IGF2BP2: variants seen among roughly 807,000 people sequenced by gnomAD.
IGF2BP2 encodes the protein insulin like growth factor 2 mRNA binding protein 2.
Under a neutral mutation model 75.8 loss-of-function variants are expected in IGF2BP2, and 17 were observed. The observed-to-expected ratio is 0.22, with a 90% CI of 0.15 to 0.34. The LOEUF (loss-of-function observed/expected upper bound fraction) is 0.34, where lower values mean the gene tolerates loss of function less well. Among genes scored for constraint, IGF2BP2 ranks in the 10% least tolerant of loss-of-function variants. IGF2BP2 has a pLI of 1.00. For missense variants in IGF2BP2, 516 were observed against 772.4 expected (o/e 0.67, Z 3.93); for synonymous variants, 288 against 295.6 (o/e 0.97, Z 0.26).
chr3:185,813,127 G>C (rs1351518327), intron 2 of IGF2BP2, among the ~76,000 whole-genome samples: 1 of 152,086 alleles, frequency 6.6e-6, no homozygotes, highest in Non-Finnish European at 1.5e-5. Context: ...CTCTTAAAAT[G>C]CCTTTTCGAC....
At chr3:185,723,275 G>A (rs1726836796) in intron 2 of IGF2BP2, among the ~76,000 whole-genome samples, 1 of 152,064 alleles carries the variant, frequency 6.6e-6, no homozygotes, top group Admixed American at 6.6e-5. Flanking sequence ...CTATCCCTTG[G>A]AAATGATCAT....
chr3:185,675,818 T>C lies in IGF2BP2; in HGVS notation c.908A>G (p.Glu303Gly). 1 of 1,613,416 alleles carries C rather than the reference T, an allele frequency of 6.2e-7. No homozygotes were observed. The highest frequency in any genetic ancestry group is 1.1e-5 in the South Asian group (1 of 91,042). Residue 303 changes from glutamate to glycine, a missense_variant, in exon 8 of 16, where the codon GAA becomes GGA. Glu to Gly is a moderately conservative substitution (Grantham distance 98). Around this residue, in one of 3 missense-constraint regions of IGF2BP2, gnomAD observed 312 missense variants for 474.5 expected, o/e 0.66. Coordinates refer to ENST00000382199, the MANE Select transcript of IGF2BP2 (RefSeq NM_006548.6). ...EGRNLKKIEH[E>G]TGTKITISSL... The stretch of plus-strand genomic sequence containing the variant: ...TGAGATTGTTATCTTGGTCCCTGTT[T>C]CATGTTCAATTTTCTTCAAATTTCT...
At chr3:185,731,981 C>CAA (rs781417130) in intron 2 of IGF2BP2, among the ~76,000 whole-genome samples, 5 of 141,592 alleles carry the variant, frequency 3.5e-5, no homozygotes, top group African/African-American at 1.0e-4. Context: ...GACTCCGTCT[C>CAA]AAAAAAAAAA....
intron 2 of IGF2BP2, among the ~76,000 whole-genome samples, chr3:185,704,424 G>A (rs1183298193): frequency 6.6e-6 from 1 of 152,140 alleles, no homozygotes; most frequent in African/African-American, 2.4e-5. Context: ...TAAATCACCA[G>A]TGATAGCCAA....
intron 2 of IGF2BP2, among the ~76,000 whole-genome samples, chr3:185,785,414 G>GT (rs1735758923): frequency 6.8e-6 from 1 of 147,922 alleles, no homozygotes. Flanking sequence ...AATAACGAGT[G>GT]TTAAAAAAAA....
chr3:185,690,777 T>A (rs1721842317), intron 5 of IGF2BP2, among the ~76,000 whole-genome samples: 1 of 152,202 alleles, frequency 6.6e-6, no homozygotes, highest in Non-Finnish European at 1.5e-5. Flanking sequence ...CAGAGCGCTG[T>A]TATTTAAAGA....
chr3:185,781,227 T>C (rs1404591119), intron 2 of IGF2BP2, among the ~76,000 whole-genome samples: 1 of 152,200 alleles, frequency 6.6e-6, no homozygotes, highest in African/African-American at 2.4e-5. Context: ...TTGTCTGTTT[T>C]TATTGTGGAA....
At chr3:185,716,381 A>G (rs1162991824) in intron 2 of IGF2BP2, 2 of 444,592 alleles carry the variant, frequency 4.5e-6, no homozygotes, top group East Asian at 1.1e-4. Context: ...TCTTATAAAT[A>G]TGCTCTGTGT....
Position 185,740,455 on chromosome 3 carries a change from T to C in IGF2BP2, c.240-42108A>G, listed in dbSNP as rs144975325. ...TTCTCCTTCATATTAAATGTCTACC[T>C]GCTGAGTTTCCAACAGAACTAGCCA... On this transcript the variant is annotated intron_variant, in intron 2 of 15. Transcript: ENST00000382199. Among the ~76,000 whole-genome samples the C allele has an allele frequency of 1.1e-4, 17 of 152,340 alleles. No homozygotes were observed. In the East Asian group the frequency reaches 3.3e-3, roughly 29 times the overall value.
At chr3:185,787,441 AGCTCTGACAGGCCGGGC>A (rs1172568154) in intron 2 of IGF2BP2, among the ~76,000 whole-genome samples, 1 of 152,170 alleles carries the variant, frequency 6.6e-6, no homozygotes, top group Admixed American at 6.5e-5. Flanking sequence ...AGGCTAAAAG[AGCTCTGACAGGCCGGGC>A]GCGGCGGCTC....
intron 2 of IGF2BP2, among the ~76,000 whole-genome samples, chr3:185,744,279 G>A (rs1031210507): frequency 6.6e-6 from 1 of 152,038 alleles, no homozygotes; most frequent in Non-Finnish European, 1.5e-5. Context: ...AAGTAATGCT[G>A]CTTTTATGTG....
chr3:185,762,938 T>G (rs1732574228), intron 2 of IGF2BP2, among the ~76,000 whole-genome samples: 1 of 151,330 alleles, frequency 6.6e-6, no homozygotes, highest in African/African-American at 2.4e-5. Context: ...AAGAGCAAAA[T>G]ACTTACTTTT....
chr3:185,699,095 G>A (rs182012374), intron 2 of IGF2BP2, among the ~76,000 whole-genome samples: 8 of 152,190 alleles, frequency 5.3e-5, no homozygotes, highest in South Asian at 2.1e-4. Flanking sequence ...GATTACAGGC[G>A]TGAGCCACCA....
chr3:185,803,494 T>C, intron 2 of IGF2BP2, among the ~76,000 whole-genome samples: 1 of 152,260 alleles, frequency 6.6e-6, no homozygotes, highest in Non-Finnish European at 1.5e-5. Flanking sequence ...TCAAAGTTAT[T>C]TTCACTTTCT....
At chr3:185,725,040 G>C (rs1727120004) in intron 2 of IGF2BP2, 2 of 152,370 alleles carry the variant, frequency 1.3e-5, no homozygotes, top group South Asian at 4.1e-4. Context: ...GGTCCCAGCT[G>C]ACAGGCCGCA....
intron 2 of IGF2BP2, among the ~76,000 whole-genome samples, chr3:185,751,272 C>A (rs1216266034): frequency 6.6e-6 from 1 of 152,072 alleles, no homozygotes; most frequent in Non-Finnish European, 1.5e-5. Flanking sequence ...CCAATGATAA[C>A]CACTGTTAAT....
Position 185,687,126 on chromosome 3 carries a change from G to A in IGF2BP2, c.743C>T (p.Pro248Leu), listed in dbSNP as rs773927638. 6 of 1,613,854 alleles carry A rather than the reference G, an allele frequency of 3.7e-6. No individual in the cohort carries two copies. Among genetic ancestry groups the A allele is most frequent in the South Asian group, 3.3e-5 (3 of 91,032 alleles). ...AEKPVTIHATPEGTSEACRMI... is the reference protein window; with the variant it reads ...AEKPVTIHATLEGTSEACRMI... ...GCGGCATGCTTCAGAAGTCCCCTCTGGGGTGGCATGGATGGTGACAGGCTT... is the reference window on the plus strand; with the variant it reads ...GCGGCATGCTTCAGAAGTCCCCTCTAGGGTGGCATGGATGGTGACAGGCTT... Residue 248 changes from proline (P) to leucine (L), a missense_variant, in exon 7 of 16, where the codon CCA becomes CTA. Pro to Leu is a moderately conservative substitution (Grantham distance 98, BLOSUM62 -3). This residue lies in a region of IGF2BP2 where 312 missense variants were observed against 474.5 expected (regional missense o/e 0.66). Coordinates refer to ENST00000382199, the MANE Select transcript of IGF2BP2 (RefSeq NM_006548.6).
intron 2 of IGF2BP2, among the ~76,000 whole-genome samples, chr3:185,732,777 G>C (rs1297709173): frequency 2.0e-5 from 3 of 152,228 alleles, no homozygotes; most frequent in Admixed American, 2.0e-4. Context: ...AACTCAATTA[G>C]AGAAAATATT....
intron 2 of IGF2BP2, among the ~76,000 whole-genome samples, chr3:185,739,844 T>G (rs1470714705): frequency 5.5e-5 from 3 of 54,226 alleles, no homozygotes; most frequent in African/African-American, 7.5e-5. Flanking sequence ...TTTTTTTCCC[T>G]CCCCCCCACC....
Sources: allele counts gnomAD v4.1 joint callset (sites outside exome capture counted in the v4.1 genomes callset), GRCh38; gene constraint gnomAD v4.1.1; regional missense constraint gnomAD v4.1.1; transcripts MANE v1.5; gene names NCBI Gene and HGNC (gene_info 2026-07-23, HGNC 2026-07-21).